Variants in LSAMP observed in about 807,000 individuals in gnomAD.
LSAMP encodes limbic system associated membrane protein, also known as limbic system-associated membrane protein.
In LSAMP, 7 loss-of-function variants were observed where a neutral mutation model predicts 38.6. The ratio of observed to expected loss-of-function variants is 0.18; its 90% CI spans 0.10 to 0.34. LSAMP has a LOEUF of 0.34. LSAMP is among the 10% of genes least tolerant of loss of function. The pLI is 1.00. For synonymous variants in LSAMP, 154 were observed against 166.8 expected (o/e 0.92, Z 0.59); for missense variants, 313 against 420.0 (o/e 0.75, Z 2.23).
chr3:116,394,114 G>A lies in LSAMP; in HGVS notation c.155+50763C>T, dbSNP rs545248518. ...TCTCTCTTTTTATTGTGGAAAGCTTGTGTTAACCCCACATGTATCGGGTTA... is the reference window on the plus strand; with the variant it reads ...TCTCTCTTTTTATTGTGGAAAGCTTATGTTAACCCCACATGTATCGGGTTA... On this transcript the variant is annotated intron_variant, in intron 1 of 6. Coordinates refer to ENST00000490035, the MANE Select transcript of LSAMP (RefSeq NM_002338.5). Among the ~76,000 whole-genome samples, 6 of 152,100 alleles carry A rather than the reference G, an allele frequency of 3.9e-5. No individual in the cohort carries two copies. In the South Asian group the frequency reaches 8.3e-4, roughly 21 times the overall value.
chr3:115,819,440 G>A (rs1192682337), intron 6 of LSAMP, among the ~76,000 whole-genome samples: 1 of 151,428 alleles, frequency 6.6e-6, no homozygotes, highest in African/African-American at 2.4e-5. Context: ...AAAAAAAAAA[G>A]TGACAGGAAA....
chr3:116,403,207 C>T (rs2048859971), intron 1 of LSAMP, among the ~76,000 whole-genome samples: 1 of 152,166 alleles, frequency 6.6e-6, no homozygotes, highest in Non-Finnish European at 1.5e-5. Flanking sequence ...CAGACAGTGC[C>T]TTGGACAATA....
intron 3 of LSAMP, among the ~76,000 whole-genome samples, chr3:115,911,442 C>T (rs1025138556): frequency 6.6e-6 from 1 of 152,178 alleles, no homozygotes; most frequent in Admixed American, 6.5e-5. Context: ...ACTGCAGCCT[C>T]GACCTCCTGG....
chr3:116,299,097 G>GTTGT (rs763485522), intron 1 of LSAMP, among the ~76,000 whole-genome samples: 5 of 152,324 alleles, frequency 3.3e-5, no homozygotes, highest in Non-Finnish European at 5.9e-5. Context: ...TGAGCTGAAA[G>GTTGT]TTGTTTTTTG....
intron 1 of LSAMP, among the ~76,000 whole-genome samples, chr3:116,119,971 T>A (rs1363803285): frequency 6.6e-6 from 1 of 152,270 alleles, no homozygotes; most frequent in East Asian, 1.9e-4. Context: ...GAAAATTTAT[T>A]TAGTTTACCT....
At position 116,118,176 on chromosome 3, in the gene LSAMP, A is replaced by G. The variant is rs141546947; in HGVS notation, c.156-31620T>C. ...AGACCTTGTTTTCCCTCTCCAGAGAATGAACCTAAATTAGGGAGAGTCAGC... is the reference window on the plus strand; with the variant it reads ...AGACCTTGTTTTCCCTCTCCAGAGAGTGAACCTAAATTAGGGAGAGTCAGC... On this transcript the variant is annotated intron_variant, in intron 1 of 6. Coordinates refer to ENST00000490035, the MANE Select transcript of LSAMP (RefSeq NM_002338.5). Among the ~76,000 whole-genome samples, 851 of 152,314 alleles carry G rather than the reference A, an allele frequency of 5.6e-3. 9 individuals carry two copies. Among genetic ancestry groups the G allele is most frequent in the African/African-American group, 0.02 (823 of 41,564 alleles).
chr3:115,842,709 A>G (rs2944401), intron 4 of LSAMP, 131 bp from the exon 5 acceptor site: 100,211 of 1,134,608 alleles, frequency 0.088, 6,211 homozygotes, highest in Admixed American at 0.3. Flanking sequence ...CTCCATTTGT[A>G]TGAATTATGT....
At chr3:115,961,908 A>C (rs568104353) in intron 3 of LSAMP, among the ~76,000 whole-genome samples, 2 of 152,342 alleles carry the variant, frequency 1.3e-5, no homozygotes, top group South Asian at 2.1e-4. Flanking sequence ...TCTATCCGGC[A>C]GAGAAAATAT....
chr3:116,420,082 C>A (rs968497465), intron 1 of LSAMP, among the ~76,000 whole-genome samples: 2 of 151,180 alleles, frequency 1.3e-5, no homozygotes, highest in Admixed American at 6.6e-5. Flanking sequence ...CCTATTTTTT[C>A]TTTTTCTCTT....
chr3:115,898,725 A>G (rs1386806377), intron 3 of LSAMP, among the ~76,000 whole-genome samples: 1 of 152,016 alleles, frequency 6.6e-6, no homozygotes, highest in Non-Finnish European at 1.5e-5. Flanking sequence ...TGACTGAATC[A>G]GGCAGACTTC....
intron 1 of LSAMP, among the ~76,000 whole-genome samples, chr3:116,350,197 G>A (rs2048118362): frequency 1.3e-5 from 2 of 151,996 alleles, no homozygotes; most frequent in South Asian, 4.1e-4. Context: ...CACATAGCAG[G>A]TACTAAATAA....
intron 2 of LSAMP, among the ~76,000 whole-genome samples, chr3:116,082,974 A>C (rs1428138663): frequency 6.6e-6 from 1 of 152,176 alleles, no homozygotes; most frequent in African/African-American, 2.4e-5. Context: ...CCCTATGTAC[A>C]ACAAACCCCT....
intron 2 of LSAMP, among the ~76,000 whole-genome samples, chr3:116,081,452 C>CAAAAGAAAA (rs1707871226): frequency 7.8e-6 from 1 of 127,584 alleles, no homozygotes. Context: ...GACTCTGTCT[C>CAAAAGAAAA]AAAAAAAAAA....
At chr3:116,429,202 T>A (rs1204043245) in intron 1 of LSAMP, among the ~76,000 whole-genome samples, 1 of 152,216 alleles carries the variant, frequency 6.6e-6, no homozygotes, top group African/African-American at 2.4e-5. Context: ...AGAGACTGGT[T>A]TCATACTCTG....
rs542656454 is a variant in LSAMP, at chr3:116,442,910, G to A, written c.155+1967C>T. ...CCATAGATATGTATACAGTGAGACT[G>A]CCTCTGTATGAAAGCATAAGAATGT... On this transcript the variant is annotated intron_variant, in intron 1 of 6. Coordinates refer to ENST00000490035, the MANE Select transcript of LSAMP (RefSeq NM_002338.5). 5.3e-5 allele frequency among the ~76,000 whole-genome samples: 8 copies of A among 152,280 alleles called. No individual in the cohort carries two copies. In the East Asian group the frequency reaches 1.5e-3, roughly 29 times the overall value.
chr3:115,844,427 A>T (rs1935092982), intron 4 of LSAMP, among the ~76,000 whole-genome samples: 1 of 152,128 alleles, frequency 6.6e-6, no homozygotes, highest in Non-Finnish European at 1.5e-5. Flanking sequence ...TTATCTTTTT[A>T]AAAAAGAAGC....
intron 1 of LSAMP, among the ~76,000 whole-genome samples, chr3:116,215,242 C>G (rs2046205754): frequency 1.3e-5 from 2 of 152,206 alleles, no homozygotes; most frequent in Non-Finnish European, 2.9e-5. Context: ...CTTCAATATT[C>G]ATTCTTCCTT....
chr3:116,291,002 C>A (rs1222422700), intron 1 of LSAMP, among the ~76,000 whole-genome samples: 1 of 152,016 alleles, frequency 6.6e-6, no homozygotes, highest in Non-Finnish European at 1.5e-5. Flanking sequence ...TAAGTTTATG[C>A]ACCCCTTATG....
intron 3 of LSAMP, among the ~76,000 whole-genome samples, chr3:115,992,972 G>C (rs1939713534): frequency 6.6e-6 from 1 of 151,958 alleles, no homozygotes; most frequent in African/African-American, 2.4e-5. Flanking sequence ...ATGTATGGAT[G>C]GTGCCAATTT....
Sources: allele counts gnomAD v4.1 joint callset (sites outside exome capture counted in the v4.1 genomes callset), GRCh38; gene constraint gnomAD v4.1.1; transcripts MANE v1.5; gene names NCBI Gene and HGNC (gene_info 2026-07-23, HGNC 2026-07-21).